Variants in ZNG1A observed in about 807,000 individuals in gnomAD.
ZNG1A encodes the protein zinc-regulated GTPase metalloprotein activator 1A.
the ZNG1A span, chr9:166,929 T>C: frequency 1.3e-5 from 2 of 152,098 alleles, no homozygotes; most frequent in African/African-American, 4.8e-5. Context: ...GAGGATCTAA[T>C]AATTTGACCA....
the ZNG1A span, chr9:162,473 C>T: frequency 9.8e-6 from 15 of 1,525,808 alleles, no homozygotes; most frequent in East Asian, 1.6e-4. Context: ...ATGATACCTA[C>T]AAAGGAAAAA....
the ZNG1A span, chr9:178,681 T>C: frequency 1.0e-6 from 1 of 955,702 alleles, no homozygotes; most frequent in Non-Finnish European, 1.6e-6. Flanking sequence ...GAGAAGCAAG[T>C]GACCCAGCCC....
chr9:179,056 C>T, the ZNG1A span: 2 of 835,514 alleles, frequency 2.4e-6, no homozygotes, highest in East Asian at 2.7e-5. Flanking sequence ...ACGCCACTCC[C>T]GGCCTGCCCG....
chr9:126,857 T>TTAGCACC, the ZNG1A span, among the ~76,000 whole-genome samples: 281 of 152,218 alleles, frequency 1.8e-3, no homozygotes, highest in African/African-American at 6.2e-3. Flanking sequence ...CCGCCTCTGC[T>TTAGCACC]GTGTCCCAGA....
At chr9:142,850 G>A in the ZNG1A span, among the ~76,000 whole-genome samples, 1 of 106,118 alleles carries the variant, frequency 9.4e-6, no homozygotes, top group South Asian at 3.9e-4. Context: ...AATAAAAAAT[G>A]ATAAAGGGGA....
the ZNG1A span, among the ~76,000 whole-genome samples, chr9:170,301 G>C: frequency 1.3e-5 from 2 of 151,240 alleles, no homozygotes; most frequent in African/African-American, 4.9e-5. Flanking sequence ...AGTAGCACTG[G>C]CATAGAGAGA....
chr9:166,576 T>TA, the ZNG1A span: 1 of 152,516 alleles, frequency 6.6e-6, no homozygotes, highest in Non-Finnish European at 1.5e-5. Context: ...CATAACCCAA[T>TA]AAAAACTAAA....
the ZNG1A span, among the ~76,000 whole-genome samples, chr9:165,044 G>A: frequency 6.6e-6 from 1 of 152,122 alleles, no homozygotes; most frequent in Non-Finnish European, 1.5e-5. Context: ...GAGTAACAGG[G>A]GCTGAATCAA....
the ZNG1A span, among the ~76,000 whole-genome samples, chr9:138,502 T>C: frequency 7.2e-6 from 1 of 139,160 alleles, no homozygotes; most frequent in Non-Finnish European, 1.5e-5. Context: ...ACTGTAGGTA[T>C]TGTTTTCAAA....
At chr9:151,334 G>C in the ZNG1A span, 4 of 978,874 alleles carry the variant, frequency 4.1e-6, no homozygotes, top group Non-Finnish European at 4.8e-6. Flanking sequence ...TCCAAAGAAA[G>C]AATTTCTCCA....
the ZNG1A span, chr9:161,539 C>T: frequency 1.6e-6 from 2 of 1,271,348 alleles, no homozygotes; most frequent in Admixed American, 4.6e-5. Flanking sequence ...AATTTTTAAA[C>T]ACTGAATTTA....
chr9:133,741 C>T, the ZNG1A span, among the ~76,000 whole-genome samples: 1 of 144,286 alleles, frequency 6.9e-6, no homozygotes, highest in Non-Finnish European at 1.5e-5. Flanking sequence ...GATTTATGCC[C>T]CATTTGAGAA....
At chr9:164,813 T>C in the ZNG1A span, among the ~76,000 whole-genome samples, 1 of 151,992 alleles carries the variant, frequency 6.6e-6, no homozygotes, top group African/African-American at 2.4e-5. Flanking sequence ...AAAACAAGGA[T>C]AATCAAACTC....
At chr9:135,650 C>CAT in the ZNG1A span, among the ~76,000 whole-genome samples, 1 of 102,234 alleles carries the variant, frequency 9.8e-6, no homozygotes, top group Admixed American at 1.1e-4. Flanking sequence ...ATAACTGTAG[C>CAT]ATACATTTCA....
At chr9:135,320 T>C in the ZNG1A span, among the ~76,000 whole-genome samples, 1 of 143,550 alleles carries the variant, frequency 7.0e-6, no homozygotes, top group African/African-American at 2.6e-5. Context: ...AATATGTCAG[T>C]AAATTTCTTT....
chr9:154,489 G>A, the ZNG1A span: 1 of 569,876 alleles, frequency 1.8e-6, no homozygotes, highest in Non-Finnish European at 3.1e-6. Context: ...CTGAATATCA[G>A]TCTATTAACT....
At chr9:173,922 C>A in the ZNG1A span, among the ~76,000 whole-genome samples, 2 of 151,512 alleles carry the variant, frequency 1.3e-5, no homozygotes, top group Non-Finnish European at 2.9e-5. Flanking sequence ...CCAAGGCGGG[C>A]GGATCACGAG....
At chr9:142,531 G>A in the ZNG1A span, among the ~76,000 whole-genome samples, 6 of 105,152 alleles carry the variant, frequency 5.7e-5, no homozygotes, top group Admixed American at 1.0e-4. Context: ...TCTCTGGGAC[G>A]CATTCAAAGC....
the ZNG1A span, among the ~76,000 whole-genome samples, chr9:136,956 C>T: frequency 1.4e-5 from 2 of 147,376 alleles, no homozygotes; most frequent in Non-Finnish European, 3.0e-5. Context: ...ATGGGAGGAT[C>T]ACTTGAGTCC....
Sources: allele counts gnomAD v4.1 joint callset (sites outside exome capture counted in the v4.1 genomes callset), GRCh38; gene constraint gnomAD v4.1.1; transcripts MANE v1.5; gene names NCBI Gene and HGNC (gene_info 2026-07-23, HGNC 2026-07-21).